Variants in NFYC observed in about 807,000 individuals in gnomAD.
NFYC encodes nuclear transcription factor Y subunit gamma.
Under a neutral mutation model 53.1 loss-of-function variants are expected in NFYC, and 25 were observed. The ratio of observed to expected loss-of-function variants is 0.47; its 90% CI spans 0.34 to 0.66. The LOEUF (loss-of-function observed/expected upper bound fraction) is 0.66. Ranked by LOEUF, NFYC falls within the 30% of genes least tolerant of loss-of-function variation. The probability of loss-of-function intolerance (pLI) is 0.01; values close to 1 mark genes in which losing one functional copy is unlikely to be tolerated. For synonymous variants in NFYC, 145 were observed against 152.6 expected (o/e 0.95, Z 0.37); for missense variants, 260 against 422.7 (o/e 0.62, Z 3.38).
intron 1 of NFYC, among the ~76,000 whole-genome samples, chr1:40,737,289 A>G (rs1173955072): frequency 3.3e-5 from 5 of 151,308 alleles, no homozygotes; most frequent in African/African-American, 1.2e-4. Context: ...AGTTGACTAA[A>G]TTGCAGGTTC....
intron 1 of NFYC, among the ~76,000 whole-genome samples, chr1:40,720,211 T>C (rs2148487668): frequency 6.6e-6 from 1 of 152,254 alleles, no homozygotes; most frequent in East Asian, 1.9e-4. Flanking sequence ...GAATTCACAG[T>C]GTATCTGAAT....
In NFYC at chr1:40,758,249, C is replaced by T. The variant is rs1646339550; in HGVS notation, c.516C>T (p.Thr172=). The T allele has an allele frequency of 6.2e-7, 1 of 1,613,670 alleles. No individual in the cohort carries two copies. Among genetic ancestry groups the T allele is most frequent in the Non-Finnish European group, 8.5e-7 (1 of 1,179,992 alleles). The change falls in exon 6 of 10, where the codon ACC becomes ACT. Residue 172 remains threonine (T), a synonymous_variant. Coordinates refer to ENST00000447388, the MANE Select transcript of NFYC (RefSeq NM_014223.5). ...AGCAGACCACCAGCTCCACGACCAC[C>T]ATCCAGCCTGGGCAGATCATCATCG... ...QGQQTTSSTT[T]IQPGQIIIAQ... is the part of the protein sequence containing the mutation.
At chr1:40,742,986 C>G (rs1423229881) in intron 2 of NFYC, among the ~76,000 whole-genome samples, 1 of 152,096 alleles carries the variant, frequency 6.6e-6, no homozygotes, top group African/African-American at 2.4e-5. Flanking sequence ...TAGGTTGACA[C>G]CTCACAATAT....
Position 40,753,210 on chromosome 1 carries a change from T to A in NFYC, c.351T>A (p.Ile117=). 6.2e-7 allele frequency: 1 copy of A among 1,614,048 alleles called. No individual in the cohort carries two copies. The highest frequency in any genetic ancestry group is 8.5e-7 in the Non-Finnish European group (1 of 1,179,920). Residue 117 remains isoleucine, a synonymous_variant, in exon 5 of 10, where the codon ATT becomes ATA. Coordinates refer to ENST00000447388, the MANE Select transcript of NFYC (RefSeq NM_014223.5). ...KFDQFDFLID[I]VPRDELKPPK... is the part of the protein sequence containing the mutation. ...ATCAGTTTGATTTTCTCATCGATAT[T>A]GTTCCAAGAGATGAACTGAAACCTC...
chr1:40,762,876 T>A lies in NFYC; in HGVS notation c.562-12T>A, dbSNP rs1646622584. 1 of 1,571,200 alleles carries A rather than the reference T, an allele frequency of 6.4e-7. No homozygotes were observed. Among genetic ancestry groups the A allele is most frequent in the Admixed American group, 1.8e-5 (1 of 55,244 alleles). On this transcript the variant is annotated splice_polypyrimidine_tract_variant and intron_variant, in intron 6 of 9. Transcript: ENST00000447388. ...TGAACTCACGCAGCATTCTCATAACTCTTCCTTTCAGACCACACCTGTGAC... is the reference window on the plus strand; with the variant it reads ...TGAACTCACGCAGCATTCTCATAACACTTCCTTTCAGACCACACCTGTGAC...
chr1:40,735,296 C>T (rs1289517439), intron 1 of NFYC: 6 of 151,584 alleles, frequency 4.0e-5, no homozygotes, highest in African/African-American at 1.5e-4. Flanking sequence ...ATGGGCTTCT[C>T]AATTTTAAAA....
intron 5 of NFYC, among the ~76,000 whole-genome samples, chr1:40,754,772 T>G (rs1032642919): frequency 6.6e-6 from 1 of 152,110 alleles, no homozygotes; most frequent in South Asian, 2.1e-4. Flanking sequence ...TCACATCCTG[T>G]CAGTTCCTCC....
At chr1:40,701,577 T>C (rs531535186) in intron 1 of NFYC, among the ~76,000 whole-genome samples, 7 of 152,356 alleles carry the variant, frequency 4.6e-5, no homozygotes, top group Admixed American at 3.9e-4. Context: ...GCCTAAAACT[T>C]ACGTAAGCCC....
intron 5 of NFYC, among the ~76,000 whole-genome samples, chr1:40,755,709 G>A (rs906970587): frequency 1.3e-5 from 2 of 152,154 alleles, no homozygotes; most frequent in African/African-American, 4.8e-5. Context: ...TTTGAGAACA[G>A]TTGTGCCTTG....
At chr1:40,701,776 T>C (rs1373771177) in intron 1 of NFYC, among the ~76,000 whole-genome samples, 5 of 152,236 alleles carry the variant, frequency 3.3e-5, no homozygotes. Context: ...ATGGCTATGC[T>C]TATAATTTAA....
rs142799754 is a variant in NFYC, at chr1:40,735,457, A to T, written c.-8-3379A>T. On this transcript the variant is annotated intron_variant, in intron 1 of 9. Coordinates refer to ENST00000447388, the MANE Select transcript of NFYC (RefSeq NM_014223.5). ...GTTTGCGGGCTGATCATGCCTGCAC[A>T]TCTGTAGTTGGGACAGTTCAAAATT... is the stretch of plus-strand genomic sequence containing the variant. 93 of 294,460 alleles carry T rather than the reference A, an allele frequency of 3.2e-4. 1 individual carries two copies. In the East Asian group the frequency reaches 0.011, roughly 34 times the overall value. 18.2% of individuals were successfully genotyped at this position (294,460 alleles called of 1,614,324 possible).
At chr1:40,729,066 T>C (rs1364724480) in intron 1 of NFYC, among the ~76,000 whole-genome samples, 1 of 152,226 alleles carries the variant, frequency 6.6e-6, no homozygotes, top group Non-Finnish European at 1.5e-5. Context: ...ACAGATGTGC[T>C]GTCATCCAAG....
chr1:40,730,195 CTTTTTTTTTTTTTT>C (rs34045698), intron 1 of NFYC, among the ~76,000 whole-genome samples: 2 of 102,020 alleles, frequency 2.0e-5, no homozygotes, highest in African/African-American at 3.8e-5. Flanking sequence ...TCTTTCTTTT[CTTTTTTTTTTTTTT>C]TTTTTTTTGG....
intron 1 of NFYC, among the ~76,000 whole-genome samples, chr1:40,698,396 A>G (rs917623192): frequency 1.3e-5 from 2 of 151,584 alleles, no homozygotes; most frequent in African/African-American, 2.4e-5. Flanking sequence ...TCAAGGTACT[A>G]TATATAAGGT....
chr1:40,730,046 G>C (rs145401602), intron 1 of NFYC, among the ~76,000 whole-genome samples: 11 of 151,674 alleles, frequency 7.3e-5, no homozygotes, highest in African/African-American at 2.7e-4. Flanking sequence ...TTGAGTTAGA[G>C]ACAGAGTTTT....
chr1:40,758,695 G>A (rs1646367311), intron 6 of NFYC, among the ~76,000 whole-genome samples: 1 of 152,192 alleles, frequency 6.6e-6, no homozygotes, highest in Admixed American at 6.5e-5. Flanking sequence ...TCATTGCCAA[G>A]TTGCATACTC....
At chr1:40,753,295 A>G (rs781332984) in intron 5 of NFYC, 49 bp downstream of exon 5, 2 of 1,298,950 alleles carry the variant, frequency 1.5e-6, no homozygotes, top group African/African-American at 1.5e-5. Context: ...AGCGCTTTGT[A>G]TACTGGTGTC....
intron 1 of NFYC, chr1:40,735,620 AC>A (rs1644988456): frequency 1.8e-5 from 18 of 985,322 alleles, no homozygotes; most frequent in Non-Finnish European, 2.0e-5. Flanking sequence ...CTCCAACTAA[AC>A]CTACCCATCC....
At chr1:40,717,307 C>G (rs1158554840) in intron 1 of NFYC, among the ~76,000 whole-genome samples, 9 of 152,152 alleles carry the variant, frequency 5.9e-5, no homozygotes, top group Admixed American at 2.0e-4. Context: ...TTGCACACCC[C>G]TGTTTTCTGA....
Sources: allele counts gnomAD v4.1 joint callset (sites outside exome capture counted in the v4.1 genomes callset), GRCh38; gene constraint gnomAD v4.1.1; transcripts MANE v1.5; gene names NCBI Gene and HGNC (gene_info 2026-07-23, HGNC 2026-07-21).